PTPRB: variants seen among roughly 807,000 people sequenced by gnomAD.
The protein encoded by PTPRB is receptor-type tyrosine-protein phosphatase beta.
A neutral mutation model predicts 238.1 loss-of-function variants in PTPRB; 97 were observed. That is an observed-to-expected ratio of 0.41 (90% CI 0.35 to 0.48). PTPRB has a LOEUF of 0.48. Ranked by LOEUF, PTPRB falls within the 20% of genes least tolerant of loss-of-function variation. The probability of loss-of-function intolerance (pLI) is 0.30; values close to 1 mark genes in which losing one functional copy is unlikely to be tolerated. For synonymous variants in PTPRB, 970 were observed against 995.4 expected, an observed-to-expected ratio of 0.97 and a Z score of 0.48; for missense variants, 2,292 against 2,681.9, an observed-to-expected ratio of 0.85 and a Z score of 3.21.
In PTPRB at chr12:70,630,466, T is replaced by C. The variant is rs1312859287; in HGVS notation, c.451+5205A>G. The stretch of plus-strand genomic sequence containing the variant: ...GATAAACCCACAGCCAATATCATAC[T>C]GAATGGGCAAAAACTGGAAGCATTC... On this transcript the variant is annotated intron_variant, in intron 2 of 33. Coordinates refer to ENST00000334414, the MANE Select transcript of PTPRB (RefSeq NM_001109754.4). Among the ~76,000 whole-genome samples, 3 of 152,206 alleles carry C rather than the reference T, an allele frequency of 2.0e-5. No individual in the cohort carries two copies. The East Asian group carries it at 5.8e-4, about 29-fold the overall frequency.
intron 20 of PTPRB, 121 bp from the exon 21 acceptor site, chr12:70,553,141 C>A (rs1877150320): frequency 8.4e-7 from 1 of 1,191,646 alleles, no homozygotes; most frequent in Non-Finnish European, 1.2e-6. Flanking sequence ...TTCCAAAGTA[C>A]AGATTCTGCA....
At chr12:70,545,639 C>G (rs1217963066) in intron 21 of PTPRB, among the ~76,000 whole-genome samples, 2 of 152,058 alleles carry the variant, frequency 1.3e-5, no homozygotes, top group East Asian at 3.9e-4. Context: ...GCAGAGAGCT[C>G]AATGAAGAGA....
At chr12:70,592,199 CT>C in intron 7 of PTPRB, 82 bp downstream of exon 7, 1 of 1,576,270 alleles carries the variant, frequency 6.3e-7, no homozygotes, top group Admixed American at 1.7e-5. Context: ...AGGAGTTTTC[CT>C]GCTGACTTAT....
intron 33 of PTPRB, among the ~76,000 whole-genome samples, 172 bp downstream of exon 33, chr12:70,524,299 G>GAGAT (rs1390347531): frequency 6.7e-6 from 1 of 150,086 alleles, no homozygotes; most frequent in African/African-American, 2.5e-5. Context: ...GTTTTTTGTA[G>GAGAT]AGATAGGATC....
intron 2 of PTPRB, among the ~76,000 whole-genome samples, chr12:70,630,546 A>G (rs1189726432): frequency 5.9e-5 from 9 of 152,208 alleles, no homozygotes; most frequent in East Asian, 5.8e-4. Context: ...CCTATTCGAC[A>G]TAGTGTTGGG....
intron 10 of PTPRB, among the ~76,000 whole-genome samples, chr12:70,576,961 T>G (rs575082610): frequency 1.3e-5 from 2 of 152,280 alleles, no homozygotes; most frequent in East Asian, 3.9e-4. Context: ...GGAGACATCC[T>G]TATACAATGT....
At chr12:70,569,979 T>A in intron 13 of PTPRB, 41 bp from the exon 14 acceptor site, 2 of 1,532,658 alleles carry the variant, frequency 1.3e-6, no homozygotes, top group Non-Finnish European at 1.8e-6. Flanking sequence ...ACTTAGAGAA[T>A]GAACTGTTGA....
chr12:70,526,747 C>CA (rs1307201341), intron 32 of PTPRB, among the ~76,000 whole-genome samples: 1 of 152,160 alleles, frequency 6.6e-6, no homozygotes, highest in African/African-American at 2.4e-5. Context: ...TTCCTCCCAC[C>CA]CAAAGCATAA....
chr12:70,584,879 CA>C (rs1220835278), intron 9 of PTPRB: 2 of 148,900 alleles, frequency 1.3e-5, no homozygotes, highest in Non-Finnish European at 3.0e-5. Context: ...CTATATAAAG[CA>C]ATAATTATAT....
intron 26 of PTPRB, 84 bp from the exon 27 acceptor site, chr12:70,539,098 C>T: frequency 9.3e-7 from 1 of 1,077,584 alleles, no homozygotes; most frequent in Non-Finnish European, 1.4e-6. Flanking sequence ...AACATAATAA[C>T]ATGAAAATAT....
rs375379889 is a variant in PTPRB at position 70,571,189 on chromosome 12, G to A, written c.3207C>T (p.Ile1069=). 1 of 1,613,844 alleles carries A rather than the reference G, an allele frequency of 6.2e-7. No homozygotes were observed. The highest frequency in any genetic ancestry group is 1.3e-5 in the African/African-American group (1 of 74,900). ...GANGDVDQYE[I]QLLFNDMKVF... is the part of the protein sequence containing the mutation. ...CTTTCATGTCATTGAAGAGCAGCTG[G>A]ATCTCATATTGGTCGACATCCCCAT... is the stretch of plus-strand genomic sequence containing the variant. Residue 1069 remains isoleucine, a synonymous_variant, in exon 13 of 34, where the codon ATC becomes ATT. Coordinates refer to ENST00000334414, the MANE Select transcript of PTPRB (RefSeq NM_001109754.4).
chr12:70,524,606 A>C lies in PTPRB; in HGVS notation c.6505-15T>G. 6.2e-7 allele frequency: 1 copy of C among 1,604,964 alleles called. No individual in the cohort carries two copies. The highest frequency in any genetic ancestry group is 8.5e-7 in the Non-Finnish European group (1 of 1,175,768). On this transcript the variant is annotated splice_polypyrimidine_tract_variant and intron_variant, in intron 32 of 33. Transcript: ENST00000334414. ...ACATACTGACACTGTGGAAAAGCAG[A>C]AACATGTCAGAGGAGGGCCTGTTCT... is the stretch of plus-strand genomic sequence containing the variant.
At chr12:70,617,097 A>G (rs1884712793) in intron 3 of PTPRB, among the ~76,000 whole-genome samples, 1 of 152,250 alleles carries the variant, frequency 6.6e-6, no homozygotes, top group African/African-American at 2.4e-5. Flanking sequence ...AGGGTTAACT[A>G]TATGTTCACA....
chr12:70,571,232 A>G lies in PTPRB; in HGVS notation c.3164T>C (p.Val1055Ala). ...ATCCCCATTAGCTCCTGACCAAGTC[A>G]CATGCAAGTCCTCAGTGCTCCTGTT... ...LRNRSTEDLH[V>A]TWSGANGDVD... Residue 1055 changes from valine to alanine, a missense_variant, in exon 13 of 34, where the codon GTG becomes GCG. Physicochemically the swap from Val to Ala is moderately conservative, Grantham distance 64. Transcript: ENST00000334414. The G allele has an allele frequency of 6.2e-7, 1 of 1,612,380 alleles. No individual in the cohort carries two copies. The highest frequency in any genetic ancestry group is 8.5e-7 in the Non-Finnish European group (1 of 1,178,416).
intron 20 of PTPRB, among the ~76,000 whole-genome samples, 195 bp downstream of exon 20, chr12:70,554,965 C>G (rs1486954323): frequency 3.9e-5 from 6 of 152,156 alleles, no homozygotes; most frequent in African/African-American, 1.4e-4. Context: ...CAGAGGATAA[C>G]AGGCTTTATT....
At chr12:70,629,629 AC>A (rs1414058346) in intron 2 of PTPRB, among the ~76,000 whole-genome samples, 2 of 152,186 alleles carry the variant, frequency 1.3e-5, no homozygotes, top group Non-Finnish European at 2.9e-5. Context: ...GACACAAAAA[AC>A]CCTTCAAAAT....
In PTPRB at chr12:70,596,159, C is replaced by T. The variant is rs755159268; in HGVS notation, c.1148G>A (p.Trp383Ter). The change falls in exon 5 of 34, where the codon TGG becomes TAG. Residue 383 changes from tryptophan (W) to a stop codon, truncating the protein, a stop_gained. Transcript: ENST00000334414. LOFTEE classifies it high-confidence loss of function. ...QGVQIQESTS[W>*]NEYTFFNLTA... The stretch of plus-strand genomic sequence containing the variant: ...GAGATTGAAAAAAGTGTATTCATTC[C>T]ATGAAGTACTTTCTTGAATTTGAAC... 6.2e-7 allele frequency: 1 copy of T among 1,613,388 alleles called. No individual in the cohort carries two copies. The highest frequency in any genetic ancestry group is 1.1e-5 in the South Asian group (1 of 91,042).
intron 31 of PTPRB, among the ~76,000 whole-genome samples, chr12:70,533,564 A>AAAT (rs1171015221): frequency 1.3e-5 from 2 of 152,182 alleles, no homozygotes; most frequent in Non-Finnish European, 2.9e-5. Flanking sequence ...TTAAGAGAAA[A>AAAT]AATTAGGTGC....
At chr12:70,579,695 C>CAAAA (rs35887706) in intron 10 of PTPRB, among the ~76,000 whole-genome samples, 10 of 90,966 alleles carry the variant, frequency 1.1e-4, no homozygotes, top group Non-Finnish European at 1.3e-4. Context: ...GACTCCATCT[C>CAAAA]AAAAAAAAAA....
Sources: gnomAD v4.1 joint callset for allele counts (sites outside exome capture counted in the v4.1 genomes callset) on GRCh38, gnomAD v4.1.1 for gene constraint, MANE v1.5 for transcripts, NCBI Gene and HGNC (gene_info 2026-07-23, HGNC 2026-07-21) for gene names.